The following PLIN2 variants were observed in gnomAD, a reference collection of about 807,000 sequenced individuals.
PLIN2 encodes perilipin-2.
PLIN2 carries 33 observed loss-of-function variants against 30.6 expected under a neutral mutation model. That is an observed-to-expected ratio of 1.08 (90% confidence interval 0.82 to 1.44). The LOEUF is 1.44. Ranked by LOEUF, PLIN2 falls within the 40% of genes most tolerant of loss-of-function variation. The pLI is 0.00. For missense variants in PLIN2, 610 were observed against 531.8 expected, an observed-to-expected ratio of 1.15 and a Z score of -1.45; for synonymous variants, 205 against 201.1, an observed-to-expected ratio of 1.02 and a Z score of -0.16.
chr9:19,117,357 C>G lies in PLIN2; in HGVS notation c.913-708G>C, dbSNP rs528534761. Among the ~76,000 whole-genome samples the G allele has an allele frequency of 5.3e-5, 8 of 152,178 alleles. No homozygotes were observed. In the East Asian group the frequency reaches 1.5e-3, roughly 29 times the overall value. On this transcript the variant is annotated intron_variant, in intron 7 of 7. Transcript: ENST00000276914. ...TGTATTTTTTGTAGAGATGGGGTTT[C>G]ACAGTTGCCCAGGCTGGTCCTGAAT...
In PLIN2 at chr9:19,118,328, CA is replaced by C. The variant is rs781365875; in HGVS notation, c.904del (p.Cys302ValfsTer16). The C allele has an allele frequency of 6.2e-7, 1 of 1,611,688 alleles. No homozygotes were observed. Among genetic ancestry groups the C allele is most frequent in the East Asian group, 2.2e-5 (1 of 44,838 alleles). On this transcript the variant is annotated frameshift_variant, in exon 7 of 8. Coordinates refer to ENST00000276914, the MANE Select transcript of PLIN2 (RefSeq NM_001122.4). LOFTEE classifies it low-confidence loss of function (END_TRUNC). ...IGYDDTDESH[C>X]AEHIESRTLA... ...CCGTCCCAGTCATCTTACCTCAGCA[CA>C]GTGGGACTCATCAGTATCATCATAT...
In PLIN2 at chr9:19,116,591, G is replaced by A. The variant is rs72561715; in HGVS notation, c.971C>T (p.Thr324Met). 2.4e-4 allele frequency: 381 copies of A among 1,614,110 alleles called. 2 individuals carry two copies. In the East Asian group the frequency reaches 7.5e-3, roughly 32 times the overall value. Residue 324 changes from threonine to methionine, a missense_variant, in exon 8 of 8, where the codon ACG becomes ATG. Thr to Met is a moderately conservative substitution (Grantham distance 81, BLOSUM62 -1). Transcript: ENST00000276914. Reference sequence around the variant, plus strand: ...GATGTTGGACAGGAGGGTGTGGCACGTGGTCTGGAGCTGCTGAGTCAGGTT... The same window carrying A: ...GATGTTGGACAGGAGGGTGTGGCACATGGTCTGGAGCTGCTGAGTCAGGTT... Reference protein sequence around the residue: ...ARNLTQQLQTTCHTLLSNIQG... With the variant: ...ARNLTQQLQTMCHTLLSNIQG...
In PLIN2 at chr9:19,119,640, T is replaced by A; in HGVS notation, c.777+10A>T. On this transcript the variant is annotated intron_variant, in intron 6 of 7. Coordinates refer to ENST00000276914, the MANE Select transcript of PLIN2 (RefSeq NM_001122.4). ...CCACTTCAGACACCTTAAAATAAAG[T>A]TTTACTCACCAGGTGAACAGTAGAA... 1 of 1,524,984 alleles carries A rather than the reference T, an allele frequency of 6.6e-7. No individual in the cohort carries two copies. Among genetic ancestry groups the A allele is most frequent in the East Asian group, 2.3e-5 (1 of 43,622 alleles). 94.5% of individuals were successfully genotyped at this position (1,524,984 alleles called of 1,614,324 possible). A position where few individuals can be genotyped will look rare whatever the true frequency, so the allele number is the denominator to read the frequency against.
chr9:19,121,258 T>A, intron 4 of PLIN2, 93 bp from the exon 5 acceptor site: 1 of 1,133,726 alleles, frequency 8.8e-7, no homozygotes, highest in Non-Finnish European at 1.3e-6. Context: ...GCTGAAGAGT[T>A]AAAGAAGGAA....
At position 19,116,623 on chromosome 9, in the gene PLIN2, A is replaced by AGT; in HGVS notation, c.938_939insAC (p.Ala314LeufsTer5). On this transcript the variant is annotated frameshift_variant, in exon 8 of 8. Transcript: ENST00000276914. LOFTEE classifies it low-confidence loss of function (END_TRUNC). ...GGAGCTGCTGAGTCAGGTTGCGGGC[A>AGT]ATTGCAAGAGTACGTGACTCAATGT... 6.2e-7 allele frequency: 1 copy of AGT among 1,613,564 alleles called. No individual in the cohort carries two copies. Among genetic ancestry groups the AGT allele is most frequent in the Non-Finnish European group, 8.5e-7 (1 of 1,179,522 alleles).
At chr9:19,108,777 C>G (rs912154675) in intron 2 of PLIN2, 1 of 152,582 alleles carries the variant, frequency 6.6e-6, no homozygotes, top group African/African-American at 2.4e-5. Context: ...GATATTGAAA[C>G]AAACACCGAT....
downstream of PLIN2, among the ~76,000 whole-genome samples, chr9:19,113,556 A>C (rs527744504): frequency 6.6e-6 from 1 of 151,824 alleles, no homozygotes; most frequent in African/African-American, 2.4e-5. Context: ...AATGAGAAGA[A>C]AAAATTTGTA....
intron 4 of PLIN2, among the ~76,000 whole-genome samples, chr9:19,122,166 T>C (rs2131182565): frequency 7.7e-6 from 1 of 130,312 alleles, no homozygotes; most frequent in South Asian, 2.6e-4. Context: ...AAAGAAAATA[T>C]CCGAAATGGA....
At chr9:19,124,195 G>A (rs1818363009) in intron 3 of PLIN2, among the ~76,000 whole-genome samples, 1 of 152,110 alleles carries the variant, frequency 6.6e-6, no homozygotes, top group South Asian at 2.1e-4. Context: ...ACAGGAAGCT[G>A]GCTCTGAAGC....
At chr9:19,109,112 A>C (rs1007040306) in intron 2 of PLIN2, among the ~76,000 whole-genome samples, 1 of 152,184 alleles carries the variant, frequency 6.6e-6, no homozygotes, top group East Asian at 1.9e-4. Flanking sequence ...AGGAAACAAA[A>C]GGTCTTTTTA....
downstream of PLIN2, among the ~76,000 whole-genome samples, chr9:19,114,193 G>C (rs1243562654): frequency 6.6e-6 from 1 of 152,136 alleles, no homozygotes; most frequent in Non-Finnish European, 1.5e-5. Flanking sequence ...GGGATTACCA[G>C]CATGAGTCAC....
downstream of PLIN2, among the ~76,000 whole-genome samples, chr9:19,112,343 T>G (rs759170693): frequency 1.3e-5 from 2 of 152,172 alleles, no homozygotes; most frequent in Non-Finnish European, 2.9e-5. Flanking sequence ...TCAAAAGAAC[T>G]GTTTTCTGGA....
In PLIN2 at chr9:19,120,988, C is replaced by T. The variant is rs1564030760; in HGVS notation, c.487G>A (p.Val163Ile). The change falls in exon 5 of 8, where the codon GTC becomes ATC. Residue 163 changes from valine (V) to isoleucine (I), a missense_variant. Coordinates refer to ENST00000276914, the MANE Select transcript of PLIN2 (RefSeq NM_001122.4). ...AGCTGCATCATCCGACTCCCCAAGA[C>T]TGTGTTAATGCTGCCACTGACCACA... Reference protein sequence around the residue: ...KSVVSGSINTVLGSRMMQLVS... With the variant: ...KSVVSGSINTILGSRMMQLVS... 6.2e-7 allele frequency: 1 copy of T among 1,614,122 alleles called. No individual in the cohort carries two copies. Among genetic ancestry groups the T allele is most frequent in the Non-Finnish European group, 8.5e-7 (1 of 1,180,052 alleles).
chr9:19,125,004 A>T lies in PLIN2; in HGVS notation c.226+1110T>A, dbSNP rs575787976. The stretch of plus-strand genomic sequence containing the variant: ...ACCCACACATTTTATGATTTCATTT[A>T]TAAGAAATATCCAGCATAGGCAAAT... On this transcript the variant is annotated intron_variant, in intron 3 of 7. Transcript: ENST00000276914. Among the ~76,000 whole-genome samples the T allele has an allele frequency of 4.6e-5, 7 of 152,352 alleles. No homozygotes were observed. In the East Asian group the frequency reaches 1.3e-3, roughly 29 times the overall value.
At chr9:19,124,569 T>C (rs893582509) in intron 3 of PLIN2, among the ~76,000 whole-genome samples, 3 of 152,212 alleles carry the variant, frequency 2.0e-5, no homozygotes, top group African/African-American at 4.8e-5. Flanking sequence ...GAAAGAATGA[T>C]TTAAATCTTT....
At chr9:19,112,525 A>G (rs1350427702), downstream of PLIN2, among the ~76,000 whole-genome samples, 1 of 151,856 alleles carries the variant, frequency 6.6e-6, no homozygotes, top group Non-Finnish European at 1.5e-5. Context: ...CCTGGGCAAC[A>G]TGGTGAAACC....
chr9:19,122,959 G>A (rs887032101), intron 4 of PLIN2, among the ~76,000 whole-genome samples: 3 of 152,106 alleles, frequency 2.0e-5, no homozygotes, highest in African/African-American at 7.2e-5. Context: ...TTCACACAAT[G>A]GCAAAATCAC....
downstream of PLIN2, among the ~76,000 whole-genome samples, chr9:19,113,554 G>T (rs1004611930): frequency 2.7e-5 from 4 of 148,266 alleles, no homozygotes; most frequent in African/African-American, 9.9e-5. Flanking sequence ...ACAATGAGAA[G>T]AAAAAATTTG....
Position 19,116,497 on chromosome 9 carries a change from T to A in PLIN2, c.1065A>T (p.Ser355=), listed in dbSNP as rs1456981965. Residue 355 remains serine (S), a synonymous_variant, in exon 8 of 8, where the codon TCA becomes TCT. Transcript: ENST00000276914. ...TAAAGGAGGCAGCATTGCGGAACACTGAGTAGATGTCGCCTGCCATCACCC... is the reference window on the plus strand; with the variant it reads ...TAAAGGAGGCAGCATTGCGGAACACAGAGTAGATGTCGCCTGCCATCACCC... ...HMGVMAGDIY[S]VFRNAASFKE... The A allele has an allele frequency of 6.2e-7, 1 of 1,614,180 alleles. No individual in the cohort carries two copies. The highest frequency in any genetic ancestry group is 1.7e-5 in the Admixed American group (1 of 60,002).
Sources: allele counts gnomAD v4.1 joint callset (sites outside exome capture counted in the v4.1 genomes callset), GRCh38; gene constraint gnomAD v4.1.1; transcripts MANE v1.5; gene names NCBI Gene and HGNC (gene_info 2026-07-23, HGNC 2026-07-21).